STK32C: variants seen among roughly 807,000 people sequenced by gnomAD.
STK32C encodes the protein serine/threonine-protein kinase 32C.
In STK32C, 31 loss-of-function variants were observed where a neutral mutation model predicts 56.5. The observed-to-expected ratio is 0.55, with a 90% CI of 0.41 to 0.74. The LOEUF is 0.74. STK32C is among the 30% of genes least tolerant of loss of function. STK32C has a pLI of 0.00. For missense variants in STK32C, 544 were observed against 676.9 expected, an observed-to-expected ratio of 0.80 and a Z score of 2.18; for synonymous variants, 309 against 289.4, an observed-to-expected ratio of 1.07 and a Z score of -0.69.
intron 1 of STK32C, among the ~76,000 whole-genome samples, chr10:132,283,412 C>A (rs925374064): frequency 3.3e-5 from 5 of 152,230 alleles, no homozygotes; most frequent in Non-Finnish European, 7.3e-5. Flanking sequence ...GGCAGCCACG[C>A]CCCCCTCACC....
At chr10:132,275,191 C>T (rs2064959042) in intron 1 of STK32C, among the ~76,000 whole-genome samples, 1 of 152,218 alleles carries the variant, frequency 6.6e-6, no homozygotes, top group African/African-American at 2.4e-5. Flanking sequence ...GGAGGTCCGG[C>T]ATCCCCGTAC....
intron 1 of STK32C, among the ~76,000 whole-genome samples, chr10:132,286,823 T>C (rs1047204912): frequency 1.3e-5 from 2 of 152,218 alleles, no homozygotes; most frequent in African/African-American, 2.4e-5. Flanking sequence ...TGTTGACTGC[T>C]TCCCCCTAAG....
rs1206197004 is a variant in STK32C at position 132,207,964 on chromosome 10, G to A, written c.*46C>T. 8 of 1,283,160 alleles carry A rather than the reference G, an allele frequency of 6.2e-6. No homozygotes were observed. The highest frequency in any genetic ancestry group is 4.6e-5 in the African/African-American group (3 of 65,884). The allele number at this position is 1,283,160 out of a possible 1,614,324, so 79.5% of individuals were successfully genotyped here. ...GCCCATGGCCCTCCCTCTGGCAGCCGAGTCTCCAAAGCAGCTCAAGGGGTG... is the reference window on the plus strand; with the variant it reads ...GCCCATGGCCCTCCCTCTGGCAGCCAAGTCTCCAAAGCAGCTCAAGGGGTG... On this transcript the variant is annotated 3_prime_UTR_variant, in exon 12 of 12. Transcript: ENST00000298630.
intron 1 of STK32C, among the ~76,000 whole-genome samples, chr10:132,293,204 C>G (rs1294745446): frequency 6.6e-6 from 1 of 152,150 alleles, no homozygotes; most frequent in African/African-American, 2.4e-5. Context: ...GTGGGCCTGG[C>G]TGAGAGGAGG....
intron 1 of STK32C, among the ~76,000 whole-genome samples, chr10:132,316,610 T>G (rs2138444291): frequency 6.6e-6 from 1 of 151,344 alleles, no homozygotes. Flanking sequence ...CAGAGTGAGA[T>G]CCTGTCTAAA....
chr10:132,235,311 C>T (rs1251938290), intron 2 of STK32C, among the ~76,000 whole-genome samples: 1 of 151,950 alleles, frequency 6.6e-6, no homozygotes, highest in African/African-American at 2.4e-5. Flanking sequence ...TCCTGGACAA[C>T]ATGGTAAAAC....
At chr10:132,331,608 C>T in exon 1 of STK32C, 2 of 1,612,898 alleles carry the variant, frequency 1.2e-6, no homozygotes, top group Non-Finnish European at 1.7e-6. Flanking sequence ...GGAGTGAGCC[C>T]AGCGGGAAGG....
At chr10:132,322,741 C>T (rs1452338074), downstream of STK32C, among the ~76,000 whole-genome samples, 1 of 152,186 alleles carries the variant, frequency 6.6e-6, no homozygotes, top group Non-Finnish European at 1.5e-5. Flanking sequence ...TCTGGGAAGC[C>T]CTCCTGCCTG....
At chr10:132,294,774 C>G (rs2065683993) in intron 1 of STK32C, among the ~76,000 whole-genome samples, 1 of 152,184 alleles carries the variant, frequency 6.6e-6, no homozygotes, top group Admixed American at 6.5e-5. Flanking sequence ...GCTCTTCCCC[C>G]CAGAGCCCCG....
chr10:132,257,237 T>G (rs559556702), intron 1 of STK32C, among the ~76,000 whole-genome samples: 1 of 152,138 alleles, frequency 6.6e-6, no homozygotes, highest in African/African-American at 2.4e-5. Context: ...TGGGTAGGTG[T>G]GTGGGTGGGT....
intron 1 of STK32C, among the ~76,000 whole-genome samples, chr10:132,279,337 G>A (rs2065083454): frequency 1.3e-5 from 2 of 152,140 alleles, no homozygotes; most frequent in South Asian, 2.1e-4. Context: ...GTGGAGCGGC[G>A]TGCTGATAAG....
At chr10:132,227,319 G>T (rs1565080817) in intron 3 of STK32C, among the ~76,000 whole-genome samples, 1 of 152,242 alleles carries the variant, frequency 6.6e-6, no homozygotes, top group Non-Finnish European at 1.5e-5. Flanking sequence ...TGCCTCGGAG[G>T]GTTGTTACAG....
intron 8 of STK32C, 33 bp downstream of exon 8, chr10:132,224,374 G>T: frequency 6.7e-7 from 1 of 1,494,440 alleles, no homozygotes; most frequent in Non-Finnish European, 9.1e-7. Flanking sequence ...GTGGGTGCTC[G>T]GAGGGTGAGG....
At chr10:132,211,798 G>A (rs1306819529) in intron 10 of STK32C, among the ~76,000 whole-genome samples, 1 of 152,190 alleles carries the variant, frequency 6.6e-6, no homozygotes, top group African/African-American at 2.4e-5. Flanking sequence ...TGAACCGCAA[G>A]TGACGCTCCA....
At chr10:132,264,681 C>T (rs192942988) in intron 1 of STK32C, among the ~76,000 whole-genome samples, 22 of 152,284 alleles carry the variant, frequency 1.4e-4, no homozygotes, top group Admixed American at 1.4e-3. Context: ...CTCCCCAAAC[C>T]AGCACCTAGT....
rs148489499 is a variant in STK32C, at chr10:132,224,674, C to T, written c.877-151G>A. ...TGAGCACAGCCTGGCCTCCACCTGC[C>T]GCGGAGGAGCCTGGGTGAGATAAAG... is the stretch of plus-strand genomic sequence containing the variant. On this transcript the variant is annotated intron_variant, in intron 7 of 11. Transcript: ENST00000298630. 163 of 652,138 alleles carry T rather than the reference C, an allele frequency of 2.5e-4. 1 individual carries two copies. Among genetic ancestry groups the T allele is most frequent in the Admixed American group, 5.3e-4 (23 of 43,298 alleles). The allele number at this position is 652,138 out of a possible 1,614,324, so 40.4% of individuals were successfully genotyped here.
intron 2 of STK32C, among the ~76,000 whole-genome samples, chr10:132,242,109 G>GAAAAA (rs3068961): frequency 8.0e-5 from 12 of 149,292 alleles, no homozygotes; most frequent in Non-Finnish European, 8.9e-5. Flanking sequence ...GACCCTGACT[G>GAAAAA]AAAAAATGCT....
At chr10:132,253,891 C>T (rs2064010647) in intron 1 of STK32C, among the ~76,000 whole-genome samples, 1 of 152,272 alleles carries the variant, frequency 6.6e-6, no homozygotes, top group South Asian at 2.1e-4. Flanking sequence ...TCCCGCCCTG[C>T]AGGGACCCGC....
downstream of STK32C, among the ~76,000 whole-genome samples, chr10:132,320,589 T>C (rs559193391): frequency 6.6e-6 from 1 of 152,092 alleles, no homozygotes; most frequent in East Asian, 1.9e-4. Context: ...AAGAGATCCT[T>C]TGGGCAGCTT....
Sources: gnomAD v4.1 joint callset for allele counts (sites outside exome capture counted in the v4.1 genomes callset) on GRCh38, gnomAD v4.1.1 for gene constraint, MANE v1.5 for transcripts, NCBI Gene and HGNC (gene_info 2026-07-23, HGNC 2026-07-21) for gene names.